MATR3: variants seen among roughly 807,000 people sequenced by gnomAD.
MATR3 encodes matrin-3.
In MATR3, 4 loss-of-function variants were observed where a neutral mutation model predicts 85.5. That is an observed-to-expected ratio of 0.05 (90% confidence interval 0.02 to 0.11). MATR3 has a LOEUF of 0.11. Ranked by LOEUF, MATR3 falls within the 10% of genes least tolerant of loss-of-function variation. The pLI is 1.00. For missense variants in MATR3, 685 were observed against 1,016.1 expected (o/e 0.67, Z 4.43); for synonymous variants, 336 against 343.1 (o/e 0.98, Z 0.23).
chr5:139,292,095 G>C (rs1440889479), upstream of MATR3: 1 of 151,850 alleles, frequency 6.6e-6, no homozygotes, highest in African/African-American at 2.4e-5. Context: ...GGGACCACAG[G>C]CGTACACCAC....
chr5:139,279,010 CTT>C (rs780005095), intron 2 of MATR3: 1 of 513,588 alleles, frequency 1.9e-6, no homozygotes, highest in Non-Finnish European at 3.9e-6. Context: ...GACAGGTTGT[CTT>C]AGGGACAGCC....
chr5:139,331,049 C>T lies in MATR3; in HGVS notation c.*1654C>T, dbSNP rs1450243595. On this transcript the variant is annotated 3_prime_UTR_variant, in exon 15 of 15. Transcript: ENST00000394805. ...CAAGTGATCTGCTCGCTTCAGCCTC[C>T]CAAAGTGCTGGGACTGTAGGCATGA... is the stretch of plus-strand genomic sequence containing the variant. 1 of 453,888 alleles carries T rather than the reference C, an allele frequency of 2.2e-6. No homozygotes were observed. The highest frequency in any genetic ancestry group is 2.4e-5 in the Admixed American group (1 of 42,532). 28.1% of individuals were successfully genotyped at this position (453,888 alleles called of 1,614,324 possible).
At chr5:139,324,300 T>A (rs1319563263) in intron 12 of MATR3, among the ~76,000 whole-genome samples, 1 of 147,278 alleles carries the variant, frequency 6.8e-6, no homozygotes, top group Non-Finnish European at 1.5e-5. Flanking sequence ...GTTTTTTTTT[T>A]TTTTTTTTTT....
rs1753769036 is a variant in MATR3, at chr5:139,288,244, CT to C, written c.-178+9122del. Among the ~76,000 whole-genome samples, 5 of 152,236 alleles carry C rather than the reference CT, an allele frequency of 3.3e-5. No homozygotes were observed. The South Asian group carries it at 1.0e-3, about 32-fold the overall frequency. Reference sequence around the variant, plus strand: ...AACAAACCAACAAACAAAAACCAAACTTTTTTTCCTTTGTGTCTTTTTGCTG... The same window carrying C: ...AACAAACCAACAAACAAAAACCAAACTTTTTTCCTTTGTGTCTTTTTGCTG... On this transcript the variant is annotated intron_variant, in intron 3 of 16. Transcript: ENST00000509990.
rs1754798560 is a variant in MATR3, at chr5:139,308,100, A to G, written c.685A>G (p.Arg229Gly). 1 of 1,614,158 alleles carries G rather than the reference A, an allele frequency of 6.2e-7. No individual in the cohort carries two copies. The highest frequency in any genetic ancestry group is 8.5e-7 in the Non-Finnish European group (1 of 1,180,030). Residue 229 changes from arginine (R) to glycine (G), a missense_variant, in exon 2 of 15, where the codon AGG (arginine) becomes GGG (glycine). By Grantham distance (125) the Arg-to-Gly change is moderately radical. Coordinates refer to ENST00000394805, the MANE Select transcript of MATR3 (RefSeq NM_018834.6). Reference sequence around the variant, plus strand: ...AGATGACAGATTAAGAGATGGAGAAAGGTGTAGGGATGATTCTTTTTTTGG... The same window carrying G: ...AGATGACAGATTAAGAGATGGAGAAGGGTGTAGGGATGATTCTTTTTTTGG... ...YEDDRLRDGE[R>G]CRDDSFFGET... is the part of the protein sequence containing the mutation.
At chr5:139,319,116 C>G in intron 8 of MATR3, 83 bp downstream of exon 8, 1 of 1,477,302 alleles carries the variant, frequency 6.8e-7, no homozygotes, top group South Asian at 1.2e-5. Flanking sequence ...CAAATTATTG[C>G]TAAGGCCAGG....
chr5:139,318,954 A>G lies in MATR3; in HGVS notation c.1355A>G (p.Asp452Gly). 6.2e-7 allele frequency: 1 copy of G among 1,614,062 alleles called. No homozygotes were observed. The highest frequency in any genetic ancestry group is 8.5e-7 in the Non-Finnish European group (1 of 1,179,886). The change falls in exon 8 of 15, where the codon GAT (aspartate) becomes GGT (glycine). Residue 452 changes from aspartate (D) to glycine (G), a missense_variant. Physicochemically the swap from Asp to Gly is moderately conservative, Grantham distance 94. This residue lies in a region of MATR3 where 32 missense variants were observed against 88.0 expected (regional missense o/e 0.36). Transcript: ENST00000394805. ...ATTEDAQAAV[D>G]YYTTTPALVF... ...ACAGAGGATGCTCAGGCCGCAGTGG[A>G]TTATTACACAACCACACCAGCGTTA...
At chr5:139,326,092 G>T (rs1755839932) in intron 13 of MATR3, 71 bp from the exon 14 acceptor site, 3 of 1,270,232 alleles carry the variant, frequency 2.4e-6, no homozygotes, top group South Asian at 2.5e-5. Flanking sequence ...AAATTATGTT[G>T]ACAGGTGAAA....
intron 3 of MATR3, among the ~76,000 whole-genome samples, chr5:139,281,601 C>T (rs559217517): frequency 6.6e-6 from 1 of 152,154 alleles, no homozygotes; most frequent in Non-Finnish European, 1.5e-5. Flanking sequence ...GATCCACCCG[C>T]CTCAGCCTCC....
At chr5:139,296,083 A>G (rs925089610) in intron 1 of MATR3, among the ~76,000 whole-genome samples, 3 of 152,226 alleles carry the variant, frequency 2.0e-5, no homozygotes, top group African/African-American at 4.8e-5. Flanking sequence ...AGACTCCTTC[A>G]TAGTATAATA....
intron 14 of MATR3, among the ~76,000 whole-genome samples, chr5:139,327,595 A>G (rs1755923717): frequency 1.3e-5 from 2 of 151,646 alleles, no homozygotes; most frequent in Admixed American, 6.6e-5. Context: ...CTAATTTTGT[A>G]TTTTTAGTGG....
At chr5:139,324,913 C>T (rs1033176755) in intron 12 of MATR3, among the ~76,000 whole-genome samples, 1 of 151,946 alleles carries the variant, frequency 6.6e-6, no homozygotes. Flanking sequence ...AAGACGCGGC[C>T]GGGCACGGTG....
At chr5:139,323,625 C>T (rs529388192) in intron 12 of MATR3, among the ~76,000 whole-genome samples, 2 of 152,126 alleles carry the variant, frequency 1.3e-5, no homozygotes, top group Non-Finnish European at 2.9e-5. Context: ...ATGTCGGAGT[C>T]AGGCGGGCCC....
intron 2 of MATR3, chr5:139,310,361 T>A (rs2151966770): frequency 6.6e-6 from 1 of 152,342 alleles, no homozygotes; most frequent in Non-Finnish European, 1.5e-5. Context: ...TTTAAATGTG[T>A]AAATTGGACC....
rs763974560 is a variant in MATR3 at position 139,286,186 on chromosome 5, CTGTTTT to C, written c.-178+7059_-178+7064del. Reference sequence around the variant, plus strand: ...GAAGAGCAGCTACTGGTTAAGTTTTCTGTTTTTAAGTAGCCTTAAAAAATGACCTGG... The same window carrying C: ...GAAGAGCAGCTACTGGTTAAGTTTTCTAAGTAGCCTTAAAAAATGACCTGG... On this transcript the variant is annotated intron_variant, in intron 3 of 16. Transcript: ENST00000509990. 8.9e-4 allele frequency among the ~76,000 whole-genome samples: 136 copies of C among 152,240 alleles called. 1 individual carries two copies. The highest frequency in any genetic ancestry group is 1.8e-3 in the Non-Finnish European group (120 of 68,006).
At position 139,330,011 on chromosome 5, in the gene MATR3, C is replaced by T. The variant is rs1756058255; in HGVS notation, c.*616C>T. On this transcript the variant is annotated 3_prime_UTR_variant, in exon 15 of 15. Transcript: ENST00000394805. ...TGTAATTTTTTTCCCTGAGTTCCTG[C>T]TAGATTTCGTATTCTAGTAGTCAAT... 1 of 453,542 alleles carries T rather than the reference C, an allele frequency of 2.2e-6. No individual in the cohort carries two copies. Among genetic ancestry groups the T allele is most frequent in the East Asian group, 7.0e-5 (1 of 14,386 alleles). 28.1% of individuals were successfully genotyped at this position (453,542 alleles called of 1,614,324 possible).
chr5:139,325,511 C>A lies in MATR3; in HGVS notation c.2220C>A (p.Asn740Lys), dbSNP rs1204915381. 1.9e-6 allele frequency: 3 copies of A among 1,614,030 alleles called. No homozygotes were observed. Among genetic ancestry groups the A allele is most frequent in the South Asian group, 1.1e-5 (1 of 91,084 alleles). The change falls in exon 13 of 15, where the codon AAC (asparagine) becomes AAA (lysine). Residue 740 changes from asparagine (N) to lysine (K), a missense_variant. Transcript: ENST00000394805. Reference protein sequence around the residue: ...ALENGIKNEENTEPGAESSEN... With the variant: ...ALENGIKNEEKTEPGAESSEN... ...AAAATGGAATTAAAAATGAGGAAAA[C>A]ACAGAACCAGGTGCTGAATCTTCTG...
intron 1 of MATR3, among the ~76,000 whole-genome samples, chr5:139,304,709 A>G (rs991912105): frequency 2.0e-5 from 3 of 152,200 alleles, no homozygotes; most frequent in African/African-American, 7.2e-5. Flanking sequence ...TCCCAAAGCT[A>G]CTATATTTAA....
At chr5:139,274,113 C>A (rs780330157) in exon 1 of MATR3, 1 of 449,586 alleles carries the variant, frequency 2.2e-6, no homozygotes, top group Non-Finnish European at 4.4e-6. Context: ...CTTTCCCCTC[C>A]GGCCTCTGCC....
Sources: allele counts gnomAD v4.1 joint callset (sites outside exome capture counted in the v4.1 genomes callset), GRCh38; gene constraint gnomAD v4.1.1; regional missense constraint gnomAD v4.1.1; transcripts MANE v1.5; gene names NCBI Gene and HGNC (gene_info 2026-07-23, HGNC 2026-07-21).